CMSS1: variants seen among roughly 807,000 people sequenced by gnomAD.
The protein encoded by CMSS1 is cms1 ribosomal small subunit homolog.
CMSS1 carries 33 observed loss-of-function variants against 43.5 expected under a neutral mutation model. That is an observed-to-expected ratio of 0.76 (90% CI 0.57 to 1.01). The LOEUF is 1.01. CMSS1 is among the 50% of genes least tolerant of loss of function. CMSS1 has a pLI of 0.00. For synonymous variants in CMSS1, 115 were observed against 117.2 expected (o/e 0.98, Z 0.12); for missense variants, 313 against 326.4 (o/e 0.96, Z 0.32).
chr3:100,069,459 G>A (rs188075709), intron 1 of CMSS1, among the ~76,000 whole-genome samples: 2 of 152,224 alleles, frequency 1.3e-5, no homozygotes, highest in East Asian at 1.9e-4. Context: ...ATGGCTGGTT[G>A]TGTGTTCCAG....
chr3:100,120,897 A>C (rs2066613524), intron 1 of CMSS1, among the ~76,000 whole-genome samples: 1 of 152,122 alleles, frequency 6.6e-6, no homozygotes, highest in African/African-American at 2.4e-5. Context: ...GCACCCTGGC[A>C]GGAAAGCGCA....
chr3:99,844,069 A>G (rs1014956900), intron 1 of CMSS1, among the ~76,000 whole-genome samples: 2 of 150,276 alleles, frequency 1.3e-5, no homozygotes, highest in African/African-American at 4.9e-5. Flanking sequence ...GCTGTACAGT[A>G]TCGGTTGTTT....
In CMSS1 at chr3:100,149,413, G is replaced by A. The variant is rs76710988; in HGVS notation, c.153+2352G>A. On this transcript the variant is annotated intron_variant, in intron 2 of 9. Transcript: ENST00000421999. ...TCAGCTCAGGAAAATTGGATTAACC[G>A]TGTTCTCATGTGTTTTGTTGGTCAC... Among the ~76,000 whole-genome samples the A allele has an allele frequency of 5.0e-3, 764 of 152,150 alleles. 9 individuals carry two copies. The highest frequency in any genetic ancestry group is 0.017 in the African/African-American group (701 of 41,488).
chr3:100,004,067 C>G (rs1211662615), intron 1 of CMSS1, among the ~76,000 whole-genome samples: 4 of 152,166 alleles, frequency 2.6e-5, no homozygotes, highest in Non-Finnish European at 1.5e-5. Flanking sequence ...GTTACCAAAA[C>G]TGGAGGCAAA....
intron 4 of CMSS1, among the ~76,000 whole-genome samples, chr3:100,163,916 A>T (rs975568193): frequency 3.3e-5 from 5 of 152,272 alleles, no homozygotes; most frequent in Non-Finnish European, 5.9e-5. Context: ...TTACAACTTT[A>T]TGCTTTCTAG....
intron 1 of CMSS1, among the ~76,000 whole-genome samples, chr3:100,042,345 AC>A (rs371912950): frequency 4.3e-3 from 651 of 152,344 alleles, no homozygotes; most frequent in Non-Finnish European, 7.4e-3. Context: ...TAACAAAAAA[AC>A]ATTGGCTCTG....
intron 1 of CMSS1, among the ~76,000 whole-genome samples, chr3:100,063,331 T>C (rs551353192): frequency 1.3e-3 from 199 of 152,336 alleles, no homozygotes; most frequent in African/African-American, 4.6e-3. Flanking sequence ...CTCAGTATTA[T>C]AATGATCTCA....
chr3:100,145,943 A>G (rs756633755), intron 1 of CMSS1, among the ~76,000 whole-genome samples: 17 of 152,282 alleles, frequency 1.1e-4, no homozygotes, highest in Non-Finnish European at 1.9e-4. Context: ...AAGTTGACAC[A>G]TAAGATTGAC....
chr3:100,029,467 A>G (rs2064985932), intron 1 of CMSS1, among the ~76,000 whole-genome samples: 3 of 152,202 alleles, frequency 2.0e-5, no homozygotes, highest in Non-Finnish European at 1.5e-5. Context: ...ACCTTTGCCA[A>G]GTTACTATCA....
chr3:100,169,908 C>T (rs1408875742), intron 6 of CMSS1, among the ~76,000 whole-genome samples: 1 of 152,180 alleles, frequency 6.6e-6, no homozygotes, highest in Non-Finnish European at 1.5e-5. Flanking sequence ...ACATAAATTC[C>T]TTACTGAGGG....
intron 1 of CMSS1, among the ~76,000 whole-genome samples, chr3:99,873,575 C>A: frequency 6.6e-6 from 1 of 152,140 alleles, no homozygotes. Flanking sequence ...CAGAACATGA[C>A]CTAAGCAGAA....
chr3:100,033,963 T>A (rs2065063800), intron 1 of CMSS1, among the ~76,000 whole-genome samples: 2 of 152,222 alleles, frequency 1.3e-5, no homozygotes. Flanking sequence ...TATTATTTAA[T>A]CCAGATTTCT....
chr3:100,174,596 A>G (rs2067134166), intron 8 of CMSS1, among the ~76,000 whole-genome samples: 1 of 152,192 alleles, frequency 6.6e-6, no homozygotes. Context: ...ATATTCATTA[A>G]CCACAGGTAT....
chr3:100,021,534 CAG>C (rs1325872482), intron 1 of CMSS1, among the ~76,000 whole-genome samples: 1 of 152,106 alleles, frequency 6.6e-6, no homozygotes, highest in Non-Finnish European at 1.5e-5. Context: ...CCAGAAAGAA[CAG>C]AGTCAAGAAA....
rs548981130 is a variant in CMSS1, at chr3:99,933,567, A to C, written c.64+115524A>C. On this transcript the variant is annotated intron_variant, in intron 1 of 9. Transcript: ENST00000421999. ...TTATACATAAACAGGATTTCTAATT[A>C]TCTTTCCCCACCCCTATTGTATTTT... Among the ~76,000 whole-genome samples, 6 of 152,346 alleles carry C rather than the reference A, an allele frequency of 3.9e-5. No homozygotes were observed. The East Asian group carries it at 1.2e-3, about 29-fold the overall frequency.
chr3:100,074,675 A>ATTTTTTTTTTTTTTTTTTTTTTT lies in CMSS1; in HGVS notation c.65-72284_65-72262dup, dbSNP rs555819875. On this transcript the variant is annotated intron_variant, in intron 1 of 9. Coordinates refer to ENST00000421999, the MANE Select transcript of CMSS1 (RefSeq NM_032359.4). ...ATTTTCTATGCATGTGCAACATTTG[A>ATTTTTTTTTTTTTTTTTTTTTTT]TTTTTTTTTTTTTTTTTTTTTTTTT... Among the ~76,000 whole-genome samples, 41 of 34,800 alleles carry ATTTTTTTTTTTTTTTTTTTTTTT rather than the reference A, an allele frequency of 1.2e-3. 17 individuals carry two copies. The highest frequency in any genetic ancestry group is 2.4e-3 in the Admixed American group (5 of 2,080). 22.8% of individuals were successfully genotyped at this position (34,800 alleles called of 152,430 possible).
At chr3:99,985,844 C>A (rs150112575) in intron 1 of CMSS1, among the ~76,000 whole-genome samples, 3 of 152,184 alleles carry the variant, frequency 2.0e-5, no homozygotes, top group African/African-American at 7.2e-5. Context: ...CCACCTCGGC[C>A]TCCCAAAGTA....
chr3:100,057,438 A>G (rs1317294284), intron 1 of CMSS1, among the ~76,000 whole-genome samples: 1 of 152,228 alleles, frequency 6.6e-6, no homozygotes, highest in African/African-American at 2.4e-5. Flanking sequence ...ATCTGCTTAT[A>G]AATTGGAATG....
At chr3:100,128,092 A>G (rs1198950243) in intron 1 of CMSS1, among the ~76,000 whole-genome samples, 3 of 152,230 alleles carry the variant, frequency 2.0e-5, no homozygotes, top group East Asian at 1.9e-4. Context: ...GCTATGAAAC[A>G]TGGAGATAAT....
Sources: allele counts gnomAD v4.1 joint callset (sites outside exome capture counted in the v4.1 genomes callset), GRCh38; gene constraint gnomAD v4.1.1; transcripts MANE v1.5; gene names NCBI Gene and HGNC (gene_info 2026-07-23, HGNC 2026-07-21).